TSPAN5: variants seen among roughly 807,000 people sequenced by gnomAD.
TSPAN5 encodes the protein tetraspanin-5.
TSPAN5 carries 10 observed loss-of-function variants against 37.1 expected under a neutral mutation model. The observed-to-expected ratio is 0.27, with a 90% CI of 0.17 to 0.46. The LOEUF (loss-of-function observed/expected upper bound fraction) is 0.46. Ranked by LOEUF, TSPAN5 falls within the 20% of genes least tolerant of loss-of-function variation. The pLI is 1.00. For missense variants in TSPAN5, 195 were observed against 326.6 expected (o/e 0.60, Z 3.11); for synonymous variants, 110 against 118.9 (o/e 0.93, Z 0.48).
chr4:98,560,258 T>G (rs1754850514), intron 1 of TSPAN5: 1 of 152,222 alleles, frequency 6.6e-6, no homozygotes, highest in African/African-American at 2.4e-5. Flanking sequence ...ATAAGCAGAC[T>G]TTTTCAAAAG....
intron 1 of TSPAN5, among the ~76,000 whole-genome samples, chr4:98,526,359 C>G (rs765914719): frequency 6.6e-6 from 1 of 152,190 alleles, no homozygotes; most frequent in Non-Finnish European, 1.5e-5. Flanking sequence ...TGGCGAGAGG[C>G]AACCCGCTCC....
chr4:98,642,991 T>C (rs1035323826), intron 1 of TSPAN5, among the ~76,000 whole-genome samples: 2 of 152,212 alleles, frequency 1.3e-5, no homozygotes, highest in African/African-American at 2.4e-5. Context: ...GTAAATTTAA[T>C]GTAGCCTAAG....
intron 1 of TSPAN5, among the ~76,000 whole-genome samples, chr4:98,630,300 A>C (rs573277002): frequency 6.6e-6 from 1 of 152,314 alleles, no homozygotes; most frequent in South Asian, 2.1e-4. Context: ...TGGAGAAAAC[A>C]ACATGGCACA....
chr4:98,616,427 C>G (rs560038588), intron 1 of TSPAN5, among the ~76,000 whole-genome samples: 1 of 152,046 alleles, frequency 6.6e-6, no homozygotes, highest in Non-Finnish European at 1.5e-5. Context: ...ATTTCAGCAT[C>G]GAACAGGTCA....
chr4:98,558,470 G>GA (rs1291644709), intron 1 of TSPAN5, among the ~76,000 whole-genome samples: 1 of 152,178 alleles, frequency 6.6e-6, no homozygotes, highest in African/African-American at 2.4e-5. Flanking sequence ...GCAGCGAAGG[G>GA]AGGGTAAACG....
At chr4:98,607,335 C>T (rs2000814) in intron 1 of TSPAN5, among the ~76,000 whole-genome samples, 17,715 of 152,126 alleles carry the variant, frequency 0.12, 1,215 homozygotes, top group East Asian at 0.25. Context: ...ACAAGAGAGG[C>T]ATTTCTGTAT....
chr4:98,525,796 TC>T (rs1182528692), intron 1 of TSPAN5, among the ~76,000 whole-genome samples: 3 of 152,200 alleles, frequency 2.0e-5, no homozygotes, highest in Non-Finnish European at 4.4e-5. Context: ...TTTGTCTGTA[TC>T]AAGTAGCCTA....
intron 2 of TSPAN5, among the ~76,000 whole-genome samples, chr4:98,488,902 A>G (rs1196834962): frequency 1.3e-5 from 2 of 152,124 alleles, no homozygotes; most frequent in Non-Finnish European, 2.9e-5. Flanking sequence ...AAATAAACTT[A>G]AAATAAAAAA....
chr4:98,480,081 T>A (rs1752805085), intron 4 of TSPAN5, among the ~76,000 whole-genome samples: 1 of 152,182 alleles, frequency 6.6e-6, no homozygotes, highest in African/African-American at 2.4e-5. Flanking sequence ...CTATCTTGTG[T>A]GTGTCTATTA....
intron 1 of TSPAN5, among the ~76,000 whole-genome samples, chr4:98,533,249 G>A (rs1286035769): frequency 2.0e-5 from 3 of 152,140 alleles, no homozygotes; most frequent in African/African-American, 7.2e-5. Context: ...GTTTGGAATA[G>A]TTTCAGAAGG....
chr4:98,514,647 GCCT>G (rs1333033892), intron 1 of TSPAN5, among the ~76,000 whole-genome samples: 1 of 152,144 alleles, frequency 6.6e-6, no homozygotes, highest in Non-Finnish European at 1.5e-5. Flanking sequence ...CATCCTGATG[GCCT>G]CCTTTCAGTG....
chr4:98,603,666 T>C (rs552199024), intron 1 of TSPAN5, among the ~76,000 whole-genome samples: 10 of 152,292 alleles, frequency 6.6e-5, no homozygotes, highest in Admixed American at 2.6e-4. Flanking sequence ...AGAGTGTTAG[T>C]GGAACACACA....
intron 1 of TSPAN5, among the ~76,000 whole-genome samples, chr4:98,565,810 T>G (rs1197238623): frequency 1.3e-5 from 2 of 152,184 alleles, no homozygotes; most frequent in African/African-American, 4.8e-5. Flanking sequence ...CTAGAGTACA[T>G]GCTTCACCTG....
intron 1 of TSPAN5, among the ~76,000 whole-genome samples, chr4:98,548,316 G>A (rs1342460033): frequency 1.3e-5 from 2 of 152,014 alleles, no homozygotes; most frequent in African/African-American, 4.8e-5. Flanking sequence ...TATCTTTATT[G>A]TACTTCAGAA....
At chr4:98,611,155 C>T (rs1756177552) in intron 1 of TSPAN5, among the ~76,000 whole-genome samples, 2 of 152,208 alleles carry the variant, frequency 1.3e-5, no homozygotes, top group Admixed American at 1.3e-4. Flanking sequence ...TGAGGACACA[C>T]TGTACTACTC....
At chr4:98,509,271 T>C (rs530122215) in intron 1 of TSPAN5, among the ~76,000 whole-genome samples, 21 of 152,328 alleles carry the variant, frequency 1.4e-4, no homozygotes, top group African/African-American at 5.1e-4. Context: ...GGTTATTTTT[T>C]ACAGTTCCAG....
chr4:98,551,229 C>T (rs1044538098), intron 1 of TSPAN5, among the ~76,000 whole-genome samples: 1 of 152,116 alleles, frequency 6.6e-6, no homozygotes, highest in African/African-American at 2.4e-5. Flanking sequence ...GGATAAATCC[C>T]ACCTGATCAC....
At chr4:98,534,532 C>T (rs1430146270) in intron 1 of TSPAN5, among the ~76,000 whole-genome samples, 1 of 152,162 alleles carries the variant, frequency 6.6e-6, no homozygotes, top group Non-Finnish European at 1.5e-5. Context: ...TCTATTAGGT[C>T]CGCTTGGTCC....
At chr4:98,535,997 C>A (rs192851252) in intron 1 of TSPAN5, among the ~76,000 whole-genome samples, 1 of 151,980 alleles carries the variant, frequency 6.6e-6, no homozygotes, top group East Asian at 1.9e-4. Context: ...TAGCTCAAGT[C>A]TGTTATTACC....
Sources: gnomAD v4.1 joint callset for allele counts (sites outside exome capture counted in the v4.1 genomes callset) on GRCh38, gnomAD v4.1.1 for gene constraint, MANE v1.5 for transcripts, NCBI Gene and HGNC (gene_info 2026-07-23, HGNC 2026-07-21) for gene names.